The following MTCL1 variants were observed in gnomAD, a reference collection of about 807,000 sequenced individuals.
MTCL1 encodes microtubule cross-linking factor 1.
MTCL1 carries 79 observed loss-of-function variants against 141.4 expected under a neutral mutation model. That is an observed-to-expected ratio of 0.56 (90% CI 0.47 to 0.67). The LOEUF is 0.67. Ranked by LOEUF, MTCL1 falls within the 30% of genes least tolerant of loss-of-function variation. The pLI is 0.00. For missense variants in MTCL1, 2,177 were observed against 2,113.9 expected, an observed-to-expected ratio of 1.03 and a Z score of -0.59; for synonymous variants, 914 against 875.8, an observed-to-expected ratio of 1.04 and a Z score of -0.77.
At chr18:8,732,074 G>A (rs2096253340) in intron 4 of MTCL1, among the ~76,000 whole-genome samples, 1 of 152,076 alleles carries the variant, frequency 6.6e-6, no homozygotes, top group African/African-American at 2.4e-5. Flanking sequence ...TGTTATTGAT[G>A]TAATATAATT....
At chr18:8,743,341 ATT>A (rs1404135504) in intron 4 of MTCL1, among the ~76,000 whole-genome samples, 1 of 152,126 alleles carries the variant, frequency 6.6e-6, no homozygotes, top group Non-Finnish European at 1.5e-5. Flanking sequence ...TACTTGCATG[ATT>A]CTGTCTTTCC....
chr18:8,825,857 CATT>C, exon 15 of MTCL1: 2 of 1,614,200 alleles, frequency 1.2e-6, no homozygotes, highest in Non-Finnish European at 1.7e-6. Flanking sequence ...TCTTCAACAT[CATT>C]GACCACAGCC....
chr18:8,784,585 G>C, exon 6 of MTCL1: 2 of 1,610,930 alleles, frequency 1.2e-6, no homozygotes, highest in Non-Finnish European at 8.5e-7. Context: ...CGCCCTTACC[G>C]GGGCCTGGCC....
exon 6 of MTCL1, chr18:8,784,371 A>G (rs766536289): frequency 6.5e-7 from 1 of 1,533,100 alleles, no homozygotes; most frequent in Non-Finnish European, 8.8e-7. Flanking sequence ...GACTCGGAGG[A>G]AATGTTTGAG....
At chr18:8,785,483 G>C (rs1395469149) in intron 6 of MTCL1, among the ~76,000 whole-genome samples, 1 of 152,152 alleles carries the variant, frequency 6.6e-6, no homozygotes. Context: ...GAGGACTGCT[G>C]TCCTAGCCTC....
At chr18:8,798,152 A>G in exon 10 of MTCL1, 2 of 1,595,990 alleles carry the variant, frequency 1.3e-6, no homozygotes, top group East Asian at 2.3e-5. Flanking sequence ...CAGGGGGGTC[A>G]CCAGGCGGAT....
chr18:8,801,766 G>A (rs1312339869), intron 10 of MTCL1: 1 of 152,196 alleles, frequency 6.6e-6, no homozygotes, highest in East Asian at 1.9e-4. Context: ...TGATAACTGT[G>A]TTTACAGCTT....
rs1426445332 is a variant in MTCL1 at position 8,756,343 on chromosome 18, A to ATATATATGTGTATATATG, written c.358-21442_358-21425dup. On this transcript the variant is annotated intron_variant, in intron 4 of 16. Transcript: ENST00000359865. ...TATGTGTGTATATATATGTGTGTGTATATATATGTGTATATATGTATATAT... is the reference window on the plus strand; with the variant it reads ...TATGTGTGTATATATATGTGTGTGTATATATATGTGTATATATGTATATATGTGTATATATGTATATAT... 1.3e-3 allele frequency among the ~76,000 whole-genome samples: 200 copies of ATATATATGTGTATATATG among 148,474 alleles called. 1 individual carries two copies. The highest frequency in any genetic ancestry group is 3.6e-3 in the Middle Eastern group (1 of 280).
intron 11 of MTCL1, chr18:8,809,396 A>G: frequency 3.3e-6 from 5 of 1,522,874 alleles, no homozygotes; most frequent in Non-Finnish European, 2.6e-6. Context: ...GAAAGGAAGT[A>G]TGGAATGAAA....
chr18:8,724,352 A>G (rs928453047), intron 4 of MTCL1, among the ~76,000 whole-genome samples: 4 of 152,158 alleles, frequency 2.6e-5, no homozygotes, highest in African/African-American at 9.7e-5. Flanking sequence ...CAGAGGTTGC[A>G]GTGAGCCGAG....
chr18:8,805,120 G>A (rs689615), intron 10 of MTCL1, among the ~76,000 whole-genome samples: 2,329 of 136,408 alleles, frequency 0.017, 71 homozygotes, highest in African/African-American at 0.06. Context: ...TATATATATA[G>A]AATTTTAGGT....
Position 8,830,158 on chromosome 18 carries a change from A to G in MTCL1, c.*18+1194A>G. ...GTCCCAGTCAAGCACTGTGGGCTGC[A>G]GTGAGATGAGGACACAGGAGCACCT... On this transcript the variant is annotated intron_variant, in intron 16 of 16. Transcript: ENST00000359865. This position sits in a 1 kb window ranked among gnomAD's most constrained non-coding sequence, Gnocchi z 6.4. 1.0e-6 allele frequency: 1 copy of G among 985,478 alleles called. No individual in the cohort carries two copies. The allele number at this position is 985,478 out of a possible 1,614,324, so 61.0% of individuals were successfully genotyped here. A position where few individuals can be genotyped will look rare whatever the true frequency, so the allele number is the denominator to read the frequency against.
intron 4 of MTCL1, among the ~76,000 whole-genome samples, chr18:8,741,899 A>G (rs914697241): frequency 2.6e-5 from 4 of 152,240 alleles, no homozygotes; most frequent in African/African-American, 9.6e-5. Flanking sequence ...ATCCTCTGGC[A>G]GAAGAGCTTG....
chr18:8,775,408 T>TAAAAAAAAAAAAAAAAAAAAAAA (rs780102071), intron 4 of MTCL1, among the ~76,000 whole-genome samples: 2 of 92,986 alleles, frequency 2.2e-5, no homozygotes, highest in African/African-American at 8.2e-5. Flanking sequence ...TCGTCTCTAC[T>TAAAAAAAAAAAAAAAAAAAAAAA]AAAAAAAAAA....
chr18:8,737,398 A>T (rs1257643352), intron 4 of MTCL1, among the ~76,000 whole-genome samples: 1 of 152,228 alleles, frequency 6.6e-6, no homozygotes, highest in Non-Finnish European at 1.5e-5. Context: ...TCGTACCTGT[A>T]TTTAAAATTC....
chr18:8,812,276 G>GT lies in MTCL1; in HGVS notation c.2605-695dup, dbSNP rs886965412. ...CTGAAGTACAGGTCTGTTGGCAATGGTTTTTTTTGTTTTTTTGTTTTTTTC... is the reference window on the plus strand; with the variant it reads ...CTGAAGTACAGGTCTGTTGGCAATGGTTTTTTTTTGTTTTTTTGTTTTTTTC... On this transcript the variant is annotated intron_variant, in intron 11 of 16. Transcript: ENST00000359865. 7.2e-5 allele frequency among the ~76,000 whole-genome samples: 11 copies of GT among 151,870 alleles called. 1 individual carries two copies. Among genetic ancestry groups the GT allele is most frequent in the African/African-American group, 1.9e-4 (8 of 41,418 alleles).
intron 4 of MTCL1, among the ~76,000 whole-genome samples, chr18:8,767,785 T>C (rs2096466226): frequency 6.6e-6 from 1 of 152,108 alleles, no homozygotes; most frequent in African/African-American, 2.4e-5. Flanking sequence ...CTTGACTATT[T>C]GGGGGAATGG....
At chr18:8,807,846 G>A (rs1237143547) in intron 11 of MTCL1, among the ~76,000 whole-genome samples, 1 of 152,128 alleles carries the variant, frequency 6.6e-6, no homozygotes, top group Non-Finnish European at 1.5e-5. Context: ...GAAGGTCTGT[G>A]TATCCTTGGT....
chr18:8,771,474 C>T (rs564660136), intron 4 of MTCL1, among the ~76,000 whole-genome samples: 1 of 152,324 alleles, frequency 6.6e-6, no homozygotes, highest in South Asian at 2.1e-4. Flanking sequence ...TCTACATCCT[C>T]GTTCCCATAC....
Sources: gnomAD v4.1 joint callset for allele counts (sites outside exome capture counted in the v4.1 genomes callset) on GRCh38, gnomAD v4.1.1 for gene constraint, Gnocchi (gnomAD v3.1) non-coding constraint, MANE v1.5 for transcripts, NCBI Gene and HGNC (gene_info 2026-07-23, HGNC 2026-07-21) for gene names.